COBLL1: variants seen among roughly 807,000 people sequenced by gnomAD.
COBLL1 encodes cordon-bleu protein-like 1.
COBLL1 carries 50 observed loss-of-function variants against 94.8 expected under a neutral mutation model. That is an observed-to-expected ratio of 0.53 (90% CI 0.42 to 0.67). COBLL1 has a LOEUF of 0.67. COBLL1 is among the 30% of genes least tolerant of loss of function. COBLL1 has a pLI of 0.00. For missense variants in COBLL1, 1,362 were observed against 1,348.7 expected (o/e 1.01, Z -0.15); for synonymous variants, 448 against 473.8 (o/e 0.95, Z 0.71).
chr2:164,770,439 A>G (rs1385973628), intron 2 of COBLL1, among the ~76,000 whole-genome samples: 1 of 152,200 alleles, frequency 6.6e-6, no homozygotes, highest in Non-Finnish European at 1.5e-5. Flanking sequence ...AGACTAATTC[A>G]TTATAATCAT....
intron 2 of COBLL1, among the ~76,000 whole-genome samples, chr2:164,744,822 C>T (rs1160722732): frequency 2.6e-5 from 4 of 152,076 alleles, no homozygotes; most frequent in Non-Finnish European, 5.9e-5. Flanking sequence ...AATATTTTTG[C>T]ATCACTAAGA....
chr2:164,800,459 A>G, intron 2 of COBLL1: 1 of 658,324 alleles, frequency 1.5e-6, no homozygotes, highest in Admixed American at 2.5e-5. Context: ...ATTCTCATGC[A>G]CTCTTGGTGG....
In COBLL1 at chr2:164,694,928, G is replaced by A. The variant is rs1339490369; in HGVS notation, c.2464C>T (p.Pro822Ser). The change falls in exon 12 of 14, where the codon CCT (proline) becomes TCT (serine). Residue 822 changes from proline (P) to serine (S), a missense_variant. Coordinates refer to ENST00000652658, the MANE Select transcript of COBLL1 (RefSeq NM_001365672.2). ...GTCATTTTGGGAGCAGGTTTCAGAG[G>A]ACTAACCATGGCATCATCAGGTGAG... The part of the protein sequence containing the change: ...VSSPDDAMVS[P>S]LKPAPKMTRD... 6.2e-7 allele frequency: 1 copy of A among 1,613,906 alleles called. No individual in the cohort carries two copies. Among genetic ancestry groups the A allele is most frequent in the Middle Eastern group, 1.7e-4 (1 of 6,056 alleles).
chr2:164,818,409 T>C (rs949355900), intron 2 of COBLL1, among the ~76,000 whole-genome samples: 52 of 149,980 alleles, frequency 3.5e-4, no homozygotes, highest in African/African-American at 1.1e-3. Context: ...TGTACATATA[T>C]ACATATTTAC....
intron 2 of COBLL1, among the ~76,000 whole-genome samples, chr2:164,818,051 T>G (rs1684866411): frequency 6.6e-6 from 1 of 151,866 alleles, no homozygotes; most frequent in Admixed American, 6.6e-5. Context: ...TCAATCCTTA[T>G]TCCACTGGAA....
At chr2:164,839,101 AATG>A (rs1175548010) in intron 2 of COBLL1, among the ~76,000 whole-genome samples, 2 of 152,218 alleles carry the variant, frequency 1.3e-5, no homozygotes, top group Non-Finnish European at 2.9e-5. Context: ...TTTTTCAGGT[AATG>A]ATAACTTCTC....
At chr2:164,795,110 T>C (rs545906410) in intron 2 of COBLL1, among the ~76,000 whole-genome samples, 1 of 152,166 alleles carries the variant, frequency 6.6e-6, no homozygotes, top group Admixed American at 6.6e-5. Context: ...TAATCAAATA[T>C]GCTTATTTTG....
intron 1 of COBLL1, among the ~76,000 whole-genome samples, chr2:164,670,468 A>C (rs1691225900): frequency 6.6e-6 from 1 of 152,218 alleles, no homozygotes; most frequent in African/African-American, 2.4e-5. Context: ...GAATAATAGC[A>C]ATCTTATTGC....
chr2:164,826,820 G>A (rs1397052101), intron 2 of COBLL1, among the ~76,000 whole-genome samples: 1 of 151,998 alleles, frequency 6.6e-6, no homozygotes, highest in Non-Finnish European at 1.5e-5. Context: ...TAGAGTATTA[G>A]GCTTACTTAA....
intron 3 of COBLL1, among the ~76,000 whole-genome samples, chr2:164,741,415 G>A (rs955585211): frequency 7.9e-5 from 12 of 151,848 alleles, no homozygotes; most frequent in African/African-American, 2.9e-4. Context: ...TTGAATTGCT[G>A]TCCTGCAGTC....
rs148694678 is a variant in COBLL1 at position 164,695,429 on chromosome 2, T to C, written c.1963A>G (p.Arg655Gly). Residue 655 changes from arginine to glycine, a missense_variant, in exon 12 of 14, where the codon AGG (arginine) becomes GGG (glycine). Physicochemically the swap from Arg to Gly is moderately radical, Grantham distance 125. Coordinates refer to ENST00000652658, the MANE Select transcript of COBLL1 (RefSeq NM_001365672.2). ...LSSQDSVNTS[R>G]EFRSQGTLII... ...AGGGTGCCTTGACTCCTGAATTCCC[T>C]TGAGGTATTTACAGAATCTTGTGAA... 3.7e-6 allele frequency: 6 copies of C among 1,613,798 alleles called. No individual in the cohort carries two copies. Among genetic ancestry groups the C allele is most frequent in the African/African-American group, 2.7e-5 (2 of 74,908 alleles).
chr2:164,815,818 C>A (rs920131013), intron 2 of COBLL1, among the ~76,000 whole-genome samples: 1 of 152,110 alleles, frequency 6.6e-6, no homozygotes, highest in Non-Finnish European at 1.5e-5. Flanking sequence ...CTACCTGACA[C>A]GCACAAGAGA....
rs778362504 is a variant in COBLL1, at chr2:164,695,862, A to T, written c.1556-26T>A. On this transcript the variant is annotated intron_variant, in intron 11 of 13. Transcript: ENST00000652658. ...CTGAGAGAAAAAAATCATCAAGTTA[A>T]ATATATGAAAGAAGTAGAAAACCTC... is the stretch of plus-strand genomic sequence containing the variant. The T allele has an allele frequency of 8.0e-6, 12 of 1,506,312 alleles. No homozygotes were observed. In the South Asian group the frequency reaches 1.6e-4, roughly 20 times the overall value. The allele number at this position is 1,506,312 out of a possible 1,614,324, so 93.3% of individuals were successfully genotyped here.
At chr2:164,771,895 T>G (rs573097290) in intron 2 of COBLL1, 1 of 151,420 alleles carries the variant, frequency 6.6e-6, no homozygotes, top group African/African-American at 2.4e-5. Context: ...ATAATTATAC[T>G]CAATATTGAA....
chr2:164,756,027 T>C, intron 2 of COBLL1, among the ~76,000 whole-genome samples: 1 of 150,664 alleles, frequency 6.6e-6, no homozygotes, highest in Non-Finnish European at 1.5e-5. Context: ...TGAGTATACA[T>C]ACGTGCGTAT....
At chr2:164,820,859 T>TTTCAGAAA (rs2105361545) in intron 2 of COBLL1, among the ~76,000 whole-genome samples, 1 of 152,278 alleles carries the variant, frequency 6.6e-6, no homozygotes, top group Admixed American at 6.5e-5. Context: ...ATCTGCCTTG[T>TTTCAGAAA]TTCAGAAATG....
chr2:164,715,391 A>G (rs982845928), intron 7 of COBLL1, among the ~76,000 whole-genome samples: 1 of 152,138 alleles, frequency 6.6e-6, no homozygotes, highest in Non-Finnish European at 1.5e-5. Flanking sequence ...TATAATAAAT[A>G]TAAGAGGAAA....
intron 2 of COBLL1, among the ~76,000 whole-genome samples, chr2:164,818,401 T>C (rs1684953604): frequency 6.7e-6 from 1 of 150,240 alleles, no homozygotes. Flanking sequence ...TATACATGTG[T>C]ACATATATAC....
intron 2 of COBLL1, among the ~76,000 whole-genome samples, chr2:164,814,847 C>T (rs898518250): frequency 6.6e-6 from 1 of 152,174 alleles, no homozygotes; most frequent in Admixed American, 6.5e-5. Flanking sequence ...TTCCTCCACC[C>T]TCCAAGTTCT....
Sources: gnomAD v4.1 joint callset for allele counts (sites outside exome capture counted in the v4.1 genomes callset) on GRCh38, gnomAD v4.1.1 for gene constraint, MANE v1.5 for transcripts, NCBI Gene and HGNC (gene_info 2026-07-23, HGNC 2026-07-21) for gene names.